Variants in NAA38 observed in about 807,000 individuals in gnomAD.
NAA38 encodes the protein N-alpha-acetyltransferase 38, NatC auxiliary subunit.
A neutral mutation model predicts 12.6 loss-of-function variants in NAA38; 15 were observed. That is an observed-to-expected ratio of 1.19 (90% CI 0.79 to 1.83). NAA38 has a LOEUF of 1.83. NAA38 is among the 40% of genes most tolerant of loss of function. The pLI is 0.00. For missense variants in NAA38, 183 were observed against 171.7 expected (o/e 1.07, Z -0.37); for synonymous variants, 88 against 69.9 (o/e 1.26, Z -1.29).
At chr17:7,885,343 G>A (rs1459276673), upstream of NAA38, 3 of 176,862 alleles carry the variant, frequency 1.7e-5, no homozygotes, top group Non-Finnish European at 3.2e-5. Flanking sequence ...CGCCGCCGCC[G>A]CCACCCCGGC....
At chr17:7,869,839 T>G (rs1169230342) in intron 2 of NAA38, among the ~76,000 whole-genome samples, 1 of 151,784 alleles carries the variant, frequency 6.6e-6, no homozygotes, top group East Asian at 1.9e-4. Context: ...CAAGAGCAAG[T>G]GAAGGGGTAA....
intron 1 of NAA38, chr17:7,884,941 G>C (rs761949187): frequency 6.4e-6 from 9 of 1,396,094 alleles, no homozygotes; most frequent in East Asian, 6.0e-5. Context: ...ACGATGAGGA[G>C]GACGACGACG....
chr17:7,880,411 A>T (rs1017870013), intron 2 of NAA38, among the ~76,000 whole-genome samples: 1 of 152,186 alleles, frequency 6.6e-6, no homozygotes, highest in Non-Finnish European at 1.5e-5. Context: ...TGTGTGTAGA[A>T]GTTTTATTAT....
intron 1 of NAA38, among the ~76,000 whole-genome samples, chr17:7,883,559 A>T (rs2151395904): frequency 6.6e-6 from 1 of 152,320 alleles, no homozygotes; most frequent in South Asian, 2.1e-4. Flanking sequence ...GGGGAGAATC[A>T]AACATGGACT....
intron 3 of NAA38, chr17:7,865,672 A>T (rs1056841215): frequency 2.0e-5 from 3 of 152,226 alleles, no homozygotes; most frequent in African/African-American, 7.2e-5. Context: ...CACCGGGAAG[A>T]GTCTCGGAAT....
At chr17:7,869,456 C>T (rs1967046073) in intron 2 of NAA38, among the ~76,000 whole-genome samples, 2 of 152,064 alleles carry the variant, frequency 1.3e-5, no homozygotes, top group Admixed American at 6.6e-5. Flanking sequence ...ATATCTCATT[C>T]AGTCTGAAAT....
chr17:7,885,117 G>A (rs1447871245), intron 1 of NAA38: 9 of 982,504 alleles, frequency 9.2e-6, no homozygotes, highest in African/African-American at 1.8e-5. Flanking sequence ...CCCCAAGCCC[G>A]AGTGGGAGCC....
intron 3 of NAA38, chr17:7,865,448 A>G (rs1200232098): frequency 6.6e-6 from 1 of 152,194 alleles, no homozygotes; most frequent in Non-Finnish European, 1.5e-5. Context: ...GGGACAGCTC[A>G]CTTCTACTCC....
intron 2 of NAA38, among the ~76,000 whole-genome samples, chr17:7,878,265 G>A (rs1200656933): frequency 2.0e-5 from 3 of 151,824 alleles, no homozygotes; most frequent in Non-Finnish European, 2.9e-5. Context: ...ATATAGATAT[G>A]GCAAATCATG....
chr17:7,862,975 A>G (rs1275935148), upstream of NAA38: 5 of 152,130 alleles, frequency 3.3e-5, no homozygotes, highest in Non-Finnish European at 7.4e-5. Flanking sequence ...CCACCGTTCT[A>G]TTAGCATTAG....
At chr17:7,884,890 C>T (rs1336120575) in intron 1 of NAA38, 3 of 1,297,690 alleles carry the variant, frequency 2.3e-6, no homozygotes, top group East Asian at 3.2e-5. Flanking sequence ...AAGAAGAGGG[C>T]GACGAGGAGG....
intron 2 of NAA38, among the ~76,000 whole-genome samples, chr17:7,877,679 A>T (rs1967199475): frequency 6.6e-6 from 1 of 152,174 alleles, no homozygotes; most frequent in Non-Finnish European, 1.5e-5. Context: ...CTCTATAATA[A>T]ATGGTGAGAA....
upstream of NAA38, chr17:7,859,787 G>A (rs1353605459): frequency 1.7e-6 from 1 of 604,134 alleles, no homozygotes; most frequent in Non-Finnish European, 2.9e-6. Flanking sequence ...CTTCATTACA[G>A]TTTGCTCTGA....
rs772711535 is a variant in NAA38, at chr17:7,884,848, G to A, written c.-167+317C>T. ...GGGACGAGGAGGAGGAGGAGGAGGA[G>A]ATGGTGGTGTCGGAGGAGGAAGAAG... On this transcript the variant is annotated intron_variant, in intron 1 of 4. Transcript: ENST00000576861. 7.6e-4 allele frequency: 845 copies of A among 1,115,704 alleles called. 4 individuals are homozygous for A. The highest frequency in any genetic ancestry group is 6.6e-3 in the South Asian group (421 of 63,908). The allele number at this position is 1,115,704 out of a possible 1,614,324, so 69.1% of individuals were successfully genotyped here.
intron 2 of NAA38, among the ~76,000 whole-genome samples, chr17:7,879,568 A>G (rs1967233935): frequency 6.6e-6 from 1 of 151,984 alleles, no homozygotes; most frequent in Admixed American, 6.6e-5. Context: ...AGTCCCTTAA[A>G]AATTTTTCTT....
chr17:7,883,596 T>A (rs1445231223), intron 1 of NAA38, among the ~76,000 whole-genome samples: 1 of 152,136 alleles, frequency 6.6e-6, no homozygotes, highest in Non-Finnish European at 1.5e-5. Context: ...AATCATCGTA[T>A]CTATTCATAT....
intron 2 of NAA38, 31 bp from the exon 3 acceptor site, chr17:7,856,874 T>G: frequency 3.7e-6 from 6 of 1,609,664 alleles, no homozygotes; most frequent in Non-Finnish European, 5.1e-6. Flanking sequence ...ATCAGGAAAG[T>G]AGGCCAGAAT....
At chr17:7,858,228 G>A (rs377472672), upstream of NAA38, 35 of 1,613,896 alleles carry the variant, frequency 2.2e-5, no homozygotes, top group South Asian at 3.3e-5. Context: ...TAACAGGCCC[G>A]AAGACCTCTG....
At chr17:7,884,189 TG>T (rs1050133518) in intron 1 of NAA38, among the ~76,000 whole-genome samples, 2 of 149,666 alleles carry the variant, frequency 1.3e-5, no homozygotes, top group South Asian at 2.1e-4. Context: ...GGCTTGGAGA[TG>T]GGGGTGTAAC....
Sources: gnomAD v4.1 joint callset for allele counts (sites outside exome capture counted in the v4.1 genomes callset) on GRCh38, gnomAD v4.1.1 for gene constraint, MANE v1.5 for transcripts, NCBI Gene and HGNC (gene_info 2026-07-23, HGNC 2026-07-21) for gene names.